The following PLA2G4E variants were observed in gnomAD, a reference collection of about 807,000 sequenced individuals.
The protein encoded by PLA2G4E is phospholipase A2 group IVE.
PLA2G4E carries 84 observed loss-of-function variants against 109.1 expected under a neutral mutation model. That is an observed-to-expected ratio of 0.77 (90% confidence interval 0.65 to 0.92). PLA2G4E has a LOEUF of 0.92. Ranked by LOEUF, PLA2G4E falls within the 40% of genes least tolerant of loss-of-function variation. The probability of loss-of-function intolerance (pLI) is 0.00; values close to 1 mark genes in which losing one functional copy is unlikely to be tolerated. For synonymous variants in PLA2G4E, 469 were observed against 436.1 expected (o/e 1.08, Z -0.94); for missense variants, 1,057 against 1,076.6 (o/e 0.98, Z 0.25).
intron 17 of PLA2G4E, 138 bp downstream of exon 17, chr15:41,987,034 C>T: frequency 1.1e-6 from 1 of 884,492 alleles, no homozygotes; most frequent in South Asian, 1.7e-5. Flanking sequence ...ATGTGGAAAA[C>T]ACCATGGGGA....
chr15:41,984,381 G>C, intron 19 of PLA2G4E, 55 bp downstream of exon 19: 1 of 1,527,222 alleles, frequency 6.5e-7, no homozygotes, highest in East Asian at 2.3e-5. Flanking sequence ...AGATCTAAAG[G>C]CATTCCCGGG....
In PLA2G4E at chr15:42,025,624, G is replaced by A. The variant is rs764845375; in HGVS notation, c.184-11867C>T. 3.9e-5 allele frequency among the ~76,000 whole-genome samples: 6 copies of A among 152,082 alleles called. No homozygotes were observed. The South Asian group carries it at 8.3e-4, about 21-fold the overall frequency. On this transcript the variant is annotated intron_variant, in intron 1 of 19. Coordinates refer to ENST00000399518, the Ensembl canonical transcript of PLA2G4E. ...GCGAAGTTTGGCAGTTCCAAGAGAC[G>A]TTCCCCCTACCTCCCTCTGTACCCA... is the stretch of plus-strand genomic sequence containing the variant.
intron 13 of PLA2G4E, among the ~76,000 whole-genome samples, chr15:41,990,688 G>C (rs2068229532): frequency 6.6e-6 from 1 of 150,626 alleles, no homozygotes; most frequent in Non-Finnish European, 1.5e-5. Flanking sequence ...GGGAAAAGAA[G>C]TTTCCCTTCC....
intron 13 of PLA2G4E, among the ~76,000 whole-genome samples, chr15:41,990,517 C>G (rs1245795771): frequency 6.6e-6 from 1 of 152,060 alleles, no homozygotes; most frequent in Non-Finnish European, 1.5e-5. Context: ...TAGGGGTCAG[C>G]AGATAAAGAG....
chr15:41,999,919 C>T (rs1403273837), exon 9 of PLA2G4E: 1 of 1,608,610 alleles, frequency 6.2e-7, no homozygotes, highest in South Asian at 1.1e-5. Flanking sequence ...GCACTCACCA[C>T]AGGCAGGGTC....
In PLA2G4E at chr15:42,023,610, A is replaced by G. The variant is rs560980961; in HGVS notation, c.184-9853T>C. ...GTCCAGGAGTTTCTGTGGCAACTCAACCCACAGCACTATACTGTCCTGAAA... is the reference window on the plus strand; with the variant it reads ...GTCCAGGAGTTTCTGTGGCAACTCAGCCCACAGCACTATACTGTCCTGAAA... On this transcript the variant is annotated intron_variant, in intron 1 of 19. Transcript: ENST00000399518. 1.1e-4 allele frequency among the ~76,000 whole-genome samples: 16 copies of G among 152,140 alleles called. No homozygotes were observed. The South Asian group carries it at 2.7e-3, about 26-fold the overall frequency.
intron 1 of PLA2G4E, among the ~76,000 whole-genome samples, chr15:42,039,349 G>C (rs901696832): frequency 3.3e-5 from 5 of 152,252 alleles, no homozygotes; most frequent in African/African-American, 1.2e-4. Context: ...GTAAATAATT[G>C]CATATTTCTA....
At chr15:42,007,266 C>A (rs2068486401) in intron 3 of PLA2G4E, among the ~76,000 whole-genome samples, 1 of 152,142 alleles carries the variant, frequency 6.6e-6, no homozygotes, top group East Asian at 1.9e-4. Context: ...TGAAGAAGAC[C>A]AATCCCATGG....
chr15:42,048,981 G>A (rs184545380), intron 1 of PLA2G4E, among the ~76,000 whole-genome samples: 104 of 152,332 alleles, frequency 6.8e-4, no homozygotes, highest in African/African-American at 1.9e-3. Flanking sequence ...CATTAACCTC[G>A]TTAGCAAGAC....
intron 1 of PLA2G4E, among the ~76,000 whole-genome samples, chr15:42,032,797 G>A (rs1287582596): frequency 6.6e-6 from 1 of 152,194 alleles, no homozygotes; most frequent in African/African-American, 2.4e-5. Flanking sequence ...TGTGTTTGAT[G>A]TCAGAAAGGA....
intron 1 of PLA2G4E, among the ~76,000 whole-genome samples, chr15:42,024,246 A>G (rs1006904169): frequency 6.6e-6 from 1 of 152,222 alleles, no homozygotes; most frequent in Non-Finnish European, 1.5e-5. Flanking sequence ...CAAAGCAGCA[A>G]TCTTGGTACA....
chr15:42,035,016 G>A (rs1160984365), intron 1 of PLA2G4E, among the ~76,000 whole-genome samples: 1 of 152,202 alleles, frequency 6.6e-6, no homozygotes, highest in African/African-American at 2.4e-5. Context: ...CTCTGTGCAG[G>A]GGATCACAGG....
intron 1 of PLA2G4E, among the ~76,000 whole-genome samples, chr15:42,015,959 C>A (rs2068590050): frequency 1.3e-5 from 2 of 152,152 alleles, no homozygotes; most frequent in African/African-American, 4.8e-5. Flanking sequence ...AGAGTTTTAC[C>A]CACGCTTAGA....
chr15:41,985,998 C>A, exon 18 of PLA2G4E: 2 of 1,592,616 alleles, frequency 1.3e-6, no homozygotes, highest in Non-Finnish European at 1.7e-6. Flanking sequence ...AACCATCTAG[C>A]ACTGTGTCTG....
chr15:42,010,328 AG>A lies in PLA2G4E; in HGVS notation c.257-2464del, dbSNP rs1224489238. On this transcript the variant is annotated intron_variant, in intron 2 of 19. Transcript: ENST00000399518. ...GTCCATGCCTAAAATTCTCCGATAA[AG>A]CCCATTAAATAAAAACTCAGTATTT... 8 of 341,808 alleles carry A rather than the reference AG, an allele frequency of 2.3e-5. No homozygotes were observed. The Admixed American group carries it at 2.8e-4, about 12-fold the overall frequency. 21.2% of individuals were successfully genotyped at this position (341,808 alleles called of 1,614,324 possible). A position where few individuals can be genotyped will look rare whatever the true frequency, so the allele number is the denominator to read the frequency against.
chr15:42,033,043 G>A (rs904913165), intron 1 of PLA2G4E, among the ~76,000 whole-genome samples: 2 of 152,098 alleles, frequency 1.3e-5, no homozygotes, highest in African/African-American at 4.8e-5. Flanking sequence ...GGTATGTTGT[G>A]TAAGTGTGCG....
intron 2 of PLA2G4E, chr15:42,010,087 T>G: frequency 2.0e-6 from 1 of 499,022 alleles, no homozygotes; most frequent in Non-Finnish European, 4.0e-6. Flanking sequence ...ACCAGGAACC[T>G]GCTCAGCCCT....
At chr15:42,038,726 C>A (rs971792574) in intron 1 of PLA2G4E, among the ~76,000 whole-genome samples, 3 of 152,216 alleles carry the variant, frequency 2.0e-5, no homozygotes, top group Admixed American at 1.3e-4. Flanking sequence ...AAGCAGTGTG[C>A]GGGCAGGGAG....
intron 1 of PLA2G4E, among the ~76,000 whole-genome samples, chr15:42,046,650 T>C (rs563785566): frequency 6.6e-6 from 1 of 152,328 alleles, no homozygotes; most frequent in African/African-American, 2.4e-5. Flanking sequence ...AAATGTAAGT[T>C]TCGTGAGAGC....
Sources: gnomAD v4.1 joint callset for allele counts (sites outside exome capture counted in the v4.1 genomes callset) on GRCh38, gnomAD v4.1.1 for gene constraint, MANE v1.5 for transcripts, NCBI Gene and HGNC (gene_info 2026-07-23, HGNC 2026-07-21) for gene names.